Variants in LDB2 observed in about 807,000 individuals in gnomAD.
LDB2 encodes LIM domain-binding protein 2.
LDB2 carries 12 observed loss-of-function variants against 44.3 expected under a neutral mutation model. The observed-to-expected ratio is 0.27, with a 90% CI of 0.17 to 0.44. The LOEUF (loss-of-function observed/expected upper bound fraction) is 0.44. Among genes scored for constraint, LDB2 ranks in the 20% least tolerant of loss-of-function variants. The pLI is 1.00. For synonymous variants in LDB2, 164 were observed against 174.8 expected (o/e 0.94, Z 0.49); for missense variants, 344 against 473.5 (o/e 0.73, Z 2.54).
chr4:16,689,283 A>G (rs547900941), intron 2 of LDB2, among the ~76,000 whole-genome samples: 1 of 152,288 alleles, frequency 6.6e-6, no homozygotes, highest in African/African-American at 2.4e-5. Flanking sequence ...TCCGCTCCCC[A>G]ATTTTCTGCC....
At chr4:16,795,147 G>A (rs1223558274) in intron 1 of LDB2, among the ~76,000 whole-genome samples, 2 of 152,180 alleles carry the variant, frequency 1.3e-5, no homozygotes, top group Non-Finnish European at 2.9e-5. Context: ...CCCAAGACTG[G>A]CAGAAAGAGT....
rs764924146 is a variant in LDB2 at position 16,502,705 on chromosome 4, T to C, written c.1060A>G (p.Ser354Gly). Residue 354 changes from serine (S) to glycine (G), a missense_variant, in exon 8 of 8, where the codon AGT becomes GGT. Physicochemically the swap from Ser to Gly is moderately conservative, Grantham distance 56. This residue lies in a region of LDB2 where 32 missense variants were observed against 32.3 expected (regional missense o/e 0.99). Coordinates refer to ENST00000304523, the MANE Select transcript of LDB2 (RefSeq NM_001290.5). ...PALGNNSPWN[S>G]KPPATQETKS... is the part of the protein sequence containing the mutation. ...GTCTCTTGAGTGGCGGGAGGTTTAC[T>C]GTTCCACGGGCTGTTGTTCCCCAGC... 6.2e-7 allele frequency: 1 copy of C among 1,614,026 alleles called. No homozygotes were observed. Among genetic ancestry groups the C allele is most frequent in the Admixed American group, 1.7e-5 (1 of 60,010 alleles).
intron 1 of LDB2, among the ~76,000 whole-genome samples, chr4:16,791,556 G>GAAAAA (rs67578284): frequency 3.4e-5 from 2 of 59,000 alleles, no homozygotes; most frequent in Non-Finnish European, 6.4e-5. Flanking sequence ...CTCTGGCTCA[G>GAAAAA]AAAAAAAAAA....
At chr4:16,651,275 G>C (rs1738196827) in intron 2 of LDB2, 1 of 152,208 alleles carries the variant, frequency 6.6e-6, no homozygotes, top group African/African-American at 2.4e-5. Context: ...CAGCAACAGA[G>C]ATCAGGTTCA....
At chr4:16,548,512 T>C (rs1736557979) in intron 5 of LDB2, among the ~76,000 whole-genome samples, 1 of 152,206 alleles carries the variant, frequency 6.6e-6, no homozygotes, top group African/African-American at 2.4e-5. Context: ...CCTCTTCTAT[T>C]AGATTGTCAG....
chr4:16,747,646 A>G (rs1764662627), intron 2 of LDB2, among the ~76,000 whole-genome samples: 1 of 152,218 alleles, frequency 6.6e-6, no homozygotes, highest in Non-Finnish European at 1.5e-5. Flanking sequence ...ACACGGACAA[A>G]TACATCTCTC....
intron 2 of LDB2, among the ~76,000 whole-genome samples, chr4:16,748,664 G>C (rs965732743): frequency 1.3e-5 from 2 of 152,144 alleles, no homozygotes; most frequent in Admixed American, 6.5e-5. Flanking sequence ...TTGTAGGGGA[G>C]GATACCTGGA....
At chr4:16,674,809 A>G (rs1171561461) in intron 2 of LDB2, among the ~76,000 whole-genome samples, 1 of 151,806 alleles carries the variant, frequency 6.6e-6, no homozygotes, top group Non-Finnish European at 1.5e-5. Flanking sequence ...ACACACACAT[A>G]TACACAGACA....
intron 1 of LDB2, among the ~76,000 whole-genome samples, chr4:16,809,919 C>G (rs570153868): frequency 6.6e-6 from 1 of 152,288 alleles, no homozygotes; most frequent in East Asian, 1.9e-4. Flanking sequence ...CGGTAAATAA[C>G]TAACAAGTAC....
chr4:16,652,728 C>G (rs1738660824), intron 2 of LDB2, among the ~76,000 whole-genome samples: 1 of 152,200 alleles, frequency 6.6e-6, no homozygotes, highest in Non-Finnish European at 1.5e-5. Flanking sequence ...TGTGAAGCCG[C>G]AAGCCTCAGT....
chr4:16,785,179 C>T (rs547631929), intron 1 of LDB2, among the ~76,000 whole-genome samples: 4 of 152,068 alleles, frequency 2.6e-5, no homozygotes, highest in South Asian at 2.1e-4. Context: ...GAAATTCTCT[C>T]GGTGACCCAA....
At chr4:16,578,856 T>C (rs1238012599) in intron 5 of LDB2, among the ~76,000 whole-genome samples, 3 of 152,190 alleles carry the variant, frequency 2.0e-5, no homozygotes, top group Non-Finnish European at 4.4e-5. Context: ...GGAGTACTAT[T>C]CAGTCATATA....
At chr4:16,721,939 T>C (rs1367544573) in intron 2 of LDB2, among the ~76,000 whole-genome samples, 2 of 152,174 alleles carry the variant, frequency 1.3e-5, no homozygotes, top group African/African-American at 4.8e-5. Flanking sequence ...AAATAAAAGT[T>C]TCAAATTCAT....
At chr4:16,757,619 C>A (rs1561122882) in intron 2 of LDB2, among the ~76,000 whole-genome samples, 2 of 152,100 alleles carry the variant, frequency 1.3e-5, no homozygotes, top group Non-Finnish European at 2.9e-5. Flanking sequence ...GTTATCTGAG[C>A]TTATGCCTCA....
At chr4:16,610,578 C>T (rs1033913048) in intron 2 of LDB2, among the ~76,000 whole-genome samples, 1 of 151,418 alleles carries the variant, frequency 6.6e-6, no homozygotes, top group Non-Finnish European at 1.5e-5. Flanking sequence ...ACACAAGTAT[C>T]AACAGCCAAA....
At chr4:16,717,939 T>C (rs1757433362) in intron 2 of LDB2, among the ~76,000 whole-genome samples, 1 of 152,172 alleles carries the variant, frequency 6.6e-6, no homozygotes, top group African/African-American at 2.4e-5. Flanking sequence ...ACTTATCTCT[T>C]GTAATCAGAA....
chr4:16,616,969 T>C (rs1017174050), intron 2 of LDB2, among the ~76,000 whole-genome samples: 1 of 152,160 alleles, frequency 6.6e-6, no homozygotes, highest in Non-Finnish European at 1.5e-5. Flanking sequence ...TCTTCAATTA[T>C]CCTACTCTTT....
intron 1 of LDB2, among the ~76,000 whole-genome samples, chr4:16,762,481 G>A (rs1046539252): frequency 1.3e-5 from 2 of 152,104 alleles, no homozygotes; most frequent in African/African-American, 4.8e-5. Flanking sequence ...AGCATGGCTG[G>A]GGAGGCCTCA....
At chr4:16,605,896 G>A (rs12503068) in intron 2 of LDB2, among the ~76,000 whole-genome samples, 56,136 of 151,986 alleles carry the variant, frequency 0.37, 10,786 homozygotes, top group East Asian at 0.61. Context: ...CACATTTGGG[G>A]AGAACTCATT....
Sources: allele counts gnomAD v4.1 joint callset (sites outside exome capture counted in the v4.1 genomes callset), GRCh38; gene constraint gnomAD v4.1.1; regional missense constraint gnomAD v4.1.1; transcripts MANE v1.5; gene names NCBI Gene and HGNC (gene_info 2026-07-23, HGNC 2026-07-21).